RLF: variants seen among roughly 807,000 people sequenced by gnomAD.
RLF encodes zinc finger protein Rlf.
In RLF, 7 loss-of-function variants were observed where a neutral mutation model predicts 162.9. The observed-to-expected ratio is 0.04, with a 90% CI of 0.02 to 0.08. RLF has a LOEUF of 0.08. Ranked by LOEUF, RLF falls within the 10% of genes least tolerant of loss-of-function variation. The probability of loss-of-function intolerance (pLI) is 1.00; values close to 1 mark genes in which losing one functional copy is unlikely to be tolerated. For missense variants in RLF, 1,664 were observed against 2,244.7 expected (o/e 0.74, Z 5.23); for synonymous variants, 782 against 791.5 (o/e 0.99, Z 0.20).
At chr1:40,186,747 A>G (rs964543651) in intron 1 of RLF, among the ~76,000 whole-genome samples, 1 of 152,182 alleles carries the variant, frequency 6.6e-6, no homozygotes, top group Non-Finnish European at 1.5e-5. Flanking sequence ...ATGTGTGATA[A>G]TCTATTGAAA....
rs1391867265 is a variant in RLF at position 40,202,628 on chromosome 1, T to G, written c.810+14T>G. The G allele has an allele frequency of 3.5e-6, 5 of 1,409,782 alleles. No individual in the cohort carries two copies. The African/African-American group carries it at 7.5e-5, about 21-fold the overall frequency. 87.3% of individuals were successfully genotyped at this position (1,409,782 alleles called of 1,614,324 possible). On this transcript the variant is annotated intron_variant, in intron 5 of 7. Coordinates refer to ENST00000372771, the MANE Select transcript of RLF (RefSeq NM_012421.4). ...GCTATTAAGGAGGTGAGTAAATAATTGTTGTCATTCAAACTTGGTATTAAT... is the reference window on the plus strand; with the variant it reads ...GCTATTAAGGAGGTGAGTAAATAATGGTTGTCATTCAAACTTGGTATTAAT...
rs1643240689 is a variant in RLF at position 40,237,908 on chromosome 1, A to G, written c.3206A>G (p.His1069Arg). 2 of 1,614,146 alleles carry G rather than the reference A, an allele frequency of 1.2e-6. No individual in the cohort carries two copies. The highest frequency in any genetic ancestry group is 1.7e-6 in the Non-Finnish European group (2 of 1,179,994). ...TMLELLLRLK[H>R]LSLKNSITHG... Reference sequence around the variant, plus strand: ...TTGGAACTTCTGTTACGCTTGAAACATTTAAGCTTGAAAAACTCAATAACA... The same window carrying G: ...TTGGAACTTCTGTTACGCTTGAAACGTTTAAGCTTGAAAAACTCAATAACA... Residue 1069 changes from histidine (H) to arginine (R), a missense_variant, in exon 8 of 8, where the codon CAT becomes CGT. Around this residue, in one of 15 missense-constraint regions of RLF, gnomAD observed 295 missense variants for 317.4 expected, o/e 0.93. Coordinates refer to ENST00000372771, the MANE Select transcript of RLF (RefSeq NM_012421.4). This position sits in a 1 kb window ranked among gnomAD's most constrained non-coding sequence, Gnocchi z 4.4.
chr1:40,237,108 A>G lies in RLF; in HGVS notation c.2406A>G (p.Thr802=), dbSNP rs1643226230. Residue 802 remains threonine, a synonymous_variant, in exon 8 of 8, where the codon ACA becomes ACG. Coordinates refer to ENST00000372771, the MANE Select transcript of RLF (RefSeq NM_012421.4). This position sits in a 1 kb window ranked among gnomAD's most constrained non-coding sequence, Gnocchi z 4.4. Reference sequence around the variant, plus strand: ...AACACTTTAGGGATGCATCTTACACATGCAACTTCCTTGGCTGTAAAAAGT... The same window carrying G: ...AACACTTTAGGGATGCATCTTACACGTGCAACTTCCTTGGCTGTAAAAAGT... The part of the protein sequence containing the change: ...EAQHFRDASY[T]CNFLGCKKFY... 1.9e-6 allele frequency: 3 copies of G among 1,614,188 alleles called. No homozygotes were observed. The highest frequency in any genetic ancestry group is 2.2e-5 in the East Asian group (1 of 44,886).
At chr1:40,210,136 CT>C (rs1642847884) in intron 5 of RLF, among the ~76,000 whole-genome samples, 5 of 152,178 alleles carry the variant, frequency 3.3e-5, no homozygotes, top group Admixed American at 3.3e-4. Context: ...ATAATAACAA[CT>C]TTACTCTCTC....
intron 3 of RLF, among the ~76,000 whole-genome samples, 186 bp from the exon 4 acceptor site, chr1:40,195,446 C>T (rs1228728991): frequency 2.0e-5 from 3 of 146,822 alleles, no homozygotes; most frequent in Admixed American, 6.8e-5. Flanking sequence ...AAGATTCTGT[C>T]TTTAAAAAAA....
intron 5 of RLF, among the ~76,000 whole-genome samples, chr1:40,214,445 C>T (rs998409558): frequency 6.6e-6 from 1 of 152,182 alleles, no homozygotes; most frequent in Non-Finnish European, 1.5e-5. Flanking sequence ...ATATGCCTGT[C>T]AGGTGGCTCA....
rs1338937785 is a variant in RLF at position 40,239,182 on chromosome 1, T to G, written c.4480T>G (p.Cys1494Gly). 1 of 1,614,132 alleles carries G rather than the reference T, an allele frequency of 6.2e-7. No homozygotes were observed. The highest frequency in any genetic ancestry group is 1.1e-5 in the South Asian group (1 of 91,082). The change falls in exon 8 of 8, where the codon TGT becomes GGT. Residue 1494 changes from cysteine to glycine, a missense_variant. Physicochemically the swap from Cys to Gly is radical, Grantham distance 159. Coordinates refer to ENST00000372771, the MANE Select transcript of RLF (RefSeq NM_012421.4). ...NERLLRSEKV[C>G]QTADTQGHEH... ...GAGACTACTAAGGAGTGAAAAGGTA[T>G]GTCAAACAGCTGATACTCAGGGGCA...
rs749027073 is a variant in RLF, at chr1:40,231,655, T to C, written c.1086T>C (p.Thr362=). 2 of 1,611,118 alleles carry C rather than the reference T, an allele frequency of 1.2e-6. No individual in the cohort carries two copies. Residue 362 remains threonine, a synonymous_variant, in exon 7 of 8, where the codon ACT becomes ACC. Coordinates refer to ENST00000372771, the MANE Select transcript of RLF (RefSeq NM_012421.4). ...HLFCLIRVIQ[T]EAQDAGLGVS... is the part of the protein sequence containing the mutation. ...TTTGCCTCATTAGAGTTATACAAAC[T>C]GAAGTGAGTACTTTATGCCTTCTCT...
At chr1:40,163,204 A>G (rs931448523) in intron 1 of RLF, among the ~76,000 whole-genome samples, 18 of 152,216 alleles carry the variant, frequency 1.2e-4, no homozygotes, top group African/African-American at 2.2e-4. Flanking sequence ...GTAAGACCCT[A>G]TGGGCTGCAA....
At chr1:40,186,000 C>G (rs1205328624) in intron 1 of RLF, among the ~76,000 whole-genome samples, 1 of 151,660 alleles carries the variant, frequency 6.6e-6, no homozygotes, top group Non-Finnish European at 1.5e-5. Flanking sequence ...CTACTAAAAA[C>G]AGGAAAATTA....
At chr1:40,184,310 A>G (rs11583132) in intron 1 of RLF, among the ~76,000 whole-genome samples, 28,220 of 152,178 alleles carry the variant, frequency 0.19, 2,760 homozygotes, top group Non-Finnish European at 0.21. Context: ...ACTAGAGGTT[A>G]TTTAGCCTAG....
chr1:40,193,127 C>CAAA (rs76035508), intron 3 of RLF, among the ~76,000 whole-genome samples: 49 of 65,074 alleles, frequency 7.5e-4, no homozygotes, highest in Middle Eastern at 0.018. Context: ...GTGGTCTTAG[C>CAAA]AAAAAAAAAA....
chr1:40,188,423 T>C (rs1335976107), intron 1 of RLF, among the ~76,000 whole-genome samples: 2 of 152,110 alleles, frequency 1.3e-5, no homozygotes, highest in Admixed American at 1.3e-4. Context: ...AGAGGACTAT[T>C]CCCCCCATTG....
chr1:40,224,125 C>T (rs1643031873), intron 6 of RLF, among the ~76,000 whole-genome samples: 1 of 152,172 alleles, frequency 6.6e-6, no homozygotes, highest in South Asian at 2.1e-4. Flanking sequence ...CCACCATTCA[C>T]TCTTCCAGAG....
At chr1:40,230,727 A>G (rs905676003) in intron 6 of RLF, among the ~76,000 whole-genome samples, 1 of 152,052 alleles carries the variant, frequency 6.6e-6, no homozygotes, top group Non-Finnish European at 1.5e-5. Flanking sequence ...GCCACCCGCC[A>G]TGCCCGGCCT....
chr1:40,215,800 G>A (rs1038223940), intron 5 of RLF, among the ~76,000 whole-genome samples: 1 of 151,754 alleles, frequency 6.6e-6, no homozygotes, highest in Non-Finnish European at 1.5e-5. Context: ...ATTTATGGAG[G>A]GAAATTTCTA....
In RLF at chr1:40,238,877, T is replaced by C; in HGVS notation, c.4175T>C (p.Ile1392Thr). Residue 1392 changes from isoleucine to threonine, a missense_variant, in exon 8 of 8, where the codon ATT (isoleucine) becomes ACT (threonine). Ile to Thr is a moderately conservative substitution (Grantham distance 89). Coordinates refer to ENST00000372771, the MANE Select transcript of RLF (RefSeq NM_012421.4). The surrounding 1 kb of genome is among the most constrained non-coding windows in gnomAD (Gnocchi z 5.2). ...AGTGATTCTCATAACCTAGACCATA[T>C]TGAAGAGCCTAAAGTACTTTCCGAA... ...HCSDSHNLDH[I>T]EEPKVLSEAG... The C allele has an allele frequency of 1.9e-6, 3 of 1,614,220 alleles. No homozygotes were observed. Among genetic ancestry groups the C allele is most frequent in the Non-Finnish European group, 1.7e-6 (2 of 1,180,030 alleles).
At chr1:40,215,639 G>T in intron 5 of RLF, among the ~76,000 whole-genome samples, 1 of 151,976 alleles carries the variant, frequency 6.6e-6, no homozygotes, top group Non-Finnish European at 1.5e-5. Flanking sequence ...GGAGTGCAGT[G>T]GCAGAATCAT....
chr1:40,217,131 C>G (rs1345450069), intron 5 of RLF, among the ~76,000 whole-genome samples: 1 of 152,046 alleles, frequency 6.6e-6, no homozygotes. Flanking sequence ...ATTCTCCTCA[C>G]CTTCTCCTTT....
Sources: allele counts gnomAD v4.1 joint callset (sites outside exome capture counted in the v4.1 genomes callset), GRCh38; gene constraint gnomAD v4.1.1; regional missense constraint gnomAD v4.1.1; non-coding constraint Gnocchi (gnomAD v3.1); transcripts MANE v1.5; gene names NCBI Gene and HGNC (gene_info 2026-07-23, HGNC 2026-07-21).